SATB2: variants seen among roughly 807,000 people sequenced by gnomAD.
SATB2 encodes the protein DNA-binding protein SATB2.
In SATB2, 1 loss-of-function variant was observed where a neutral mutation model predicts 73.4. The ratio of observed to expected loss-of-function variants is 0.01; its 90% CI spans 0.00 to 0.06. The LOEUF (loss-of-function observed/expected upper bound fraction) is 0.06. Among genes scored for constraint, SATB2 ranks in the 10% least tolerant of loss-of-function variants. The pLI, the probability that SATB2 is intolerant of heterozygous loss-of-function variation, is 1.00. For synonymous variants in SATB2, 397 were observed against 367.0 expected (o/e 1.08, Z -0.93); for missense variants, 459 against 945.8 (o/e 0.49, Z 6.75).
chr2:199,391,608 T>C (rs1286515289), intron 3 of SATB2, among the ~76,000 whole-genome samples: 2 of 152,170 alleles, frequency 1.3e-5, no homozygotes, highest in African/African-American at 2.4e-5. Flanking sequence ...TTACATTTTT[T>C]GGAAATGTCA....
intron 6 of SATB2, among the ~76,000 whole-genome samples, chr2:199,361,394 T>C (rs1689133066): frequency 6.6e-6 from 1 of 151,884 alleles, no homozygotes; most frequent in African/African-American, 2.4e-5. Flanking sequence ...CTTCCTGTCT[T>C]TCTCACTTGT....
upstream of SATB2, among the ~76,000 whole-genome samples, chr2:199,465,503 G>T (rs1333051195): frequency 6.6e-6 from 1 of 152,070 alleles, no homozygotes; most frequent in African/African-American, 2.4e-5. Context: ...TGTAATTTTT[G>T]TTCTGGTTTT....
chr2:199,380,969 T>C (rs1002744087), intron 4 of SATB2, among the ~76,000 whole-genome samples: 6 of 152,188 alleles, frequency 3.9e-5, no homozygotes, highest in African/African-American at 1.2e-4. Context: ...TAGACACAGA[T>C]GGGAATGCTG....
intron 3 of SATB2, among the ~76,000 whole-genome samples, chr2:199,416,071 G>A (rs930887647): frequency 4.6e-5 from 7 of 152,202 alleles, no homozygotes; most frequent in African/African-American, 7.2e-5. Context: ...AGAACTACTG[G>A]ACCCAAGACT....
At chr2:199,377,827 A>C (rs1689648748) in intron 5 of SATB2, among the ~76,000 whole-genome samples, 1 of 152,090 alleles carries the variant, frequency 6.6e-6, no homozygotes, top group Admixed American at 6.6e-5. Flanking sequence ...GCACAAGGGA[A>C]AAAGATTTTA....
chr2:199,304,438 T>TAG (rs1421968635), intron 10 of SATB2, among the ~76,000 whole-genome samples: 1 of 152,192 alleles, frequency 6.6e-6, no homozygotes, highest in Admixed American at 6.5e-5. Context: ...AAACATTATG[T>TAG]AGATTAGTAT....
chr2:199,277,201 G>A (rs965443341), intron 10 of SATB2, among the ~76,000 whole-genome samples: 5 of 152,168 alleles, frequency 3.3e-5, no homozygotes, highest in African/African-American at 1.2e-4. Context: ...GGAAGCGGGT[G>A]GAAGATAGCC....
At chr2:199,303,150 T>A (rs1376570560) in intron 10 of SATB2, among the ~76,000 whole-genome samples, 1 of 152,224 alleles carries the variant, frequency 6.6e-6, no homozygotes, top group Non-Finnish European at 1.5e-5. Flanking sequence ...AAAGTCAGAC[T>A]CTGAAGGTAG....
chr2:199,310,518 T>A (rs962089225), intron 9 of SATB2, among the ~76,000 whole-genome samples: 3 of 152,214 alleles, frequency 2.0e-5, no homozygotes, highest in Non-Finnish European at 4.4e-5. Flanking sequence ...ATTATAGTTT[T>A]AAAAATCTAG....
At chr2:199,392,252 T>C (rs1690165808) in intron 3 of SATB2, among the ~76,000 whole-genome samples, 1 of 146,958 alleles carries the variant, frequency 6.8e-6, no homozygotes, top group South Asian at 2.2e-4. Context: ...CCCAGATTCC[T>C]TTTTTTTTTC....
chr2:199,293,108 T>A (rs1295334962), intron 10 of SATB2, among the ~76,000 whole-genome samples: 1 of 152,210 alleles, frequency 6.6e-6, no homozygotes. Flanking sequence ...CCCTAATTTT[T>A]TTCTGTTCCC....
chr2:199,329,150 T>C, intron 7 of SATB2: 1 of 526,068 alleles, frequency 1.9e-6, no homozygotes, highest in Non-Finnish European at 3.5e-6. Flanking sequence ...TAATCATCAG[T>C]GTACAGACAT....
intron 10 of SATB2, among the ~76,000 whole-genome samples, chr2:199,293,924 ATTTCC>A (rs71913701): frequency 0.052 from 7,965 of 152,152 alleles, 697 homozygotes; most frequent in African/African-American, 0.18. Flanking sequence ...CTCAGCATCT[ATTTCC>A]TTTCAAGAAG....
At position 199,463,115 on chromosome 2, in the gene SATB2, G is replaced by C. The variant is rs547767968; in HGVS notation, c.-141+1721C>G. 1.3e-5 allele frequency among the ~76,000 whole-genome samples: 2 copies of C among 152,068 alleles called. No homozygotes were observed. The highest frequency in any genetic ancestry group is 2.4e-5 in the African/African-American group (1 of 41,412). ...CGCGGGCCGGGGGACCGGGGAAGACGGAGGGTCCTGCGGCCTGGAGCACCA... is the reference window on the plus strand; with the variant it reads ...CGCGGGCCGGGGGACCGGGGAAGACCGAGGGTCCTGCGGCCTGGAGCACCA... On this transcript the variant is annotated intron_variant, in intron 1 of 11. Coordinates refer to the SATB2 transcript ENST00000260926. This position sits in a 1 kb window ranked among gnomAD's most constrained non-coding sequence, Gnocchi z 6.4.
At chr2:199,386,869 C>A (rs1395037204) in intron 3 of SATB2, among the ~76,000 whole-genome samples, 5 of 151,998 alleles carry the variant, frequency 3.3e-5, no homozygotes, top group Non-Finnish European at 7.4e-5. Flanking sequence ...AGTACTGATC[C>A]CCAATATTCA....
intron 10 of SATB2, among the ~76,000 whole-genome samples, chr2:199,281,164 C>T (rs978952349): frequency 4.0e-5 from 6 of 150,726 alleles, no homozygotes; most frequent in East Asian, 1.9e-4. Context: ...AACCCAGGAG[C>T]GGGAGGTTGC....
chr2:199,393,551 A>C (rs962692807), intron 3 of SATB2, among the ~76,000 whole-genome samples: 1 of 152,116 alleles, frequency 6.6e-6, no homozygotes, highest in Non-Finnish European at 1.5e-5. Flanking sequence ...CCAGAGACTT[A>C]CTGATAATCT....
chr2:199,416,333 G>A (rs1249895061), intron 3 of SATB2, among the ~76,000 whole-genome samples: 4 of 152,044 alleles, frequency 2.6e-5, no homozygotes, highest in African/African-American at 9.7e-5. Flanking sequence ...TGACCTTGAG[G>A]TACACCACAC....
At chr2:199,433,265 T>C in intron 3 of SATB2, 73 bp downstream of exon 3, 1 of 1,467,194 alleles carries the variant, frequency 6.8e-7, no homozygotes, top group Non-Finnish European at 9.3e-7. Flanking sequence ...TGGAGAACTA[T>C]TTCAGAAAAC....
Sources: allele counts gnomAD v4.1 joint callset (sites outside exome capture counted in the v4.1 genomes callset), GRCh38; gene constraint gnomAD v4.1.1; non-coding constraint Gnocchi (gnomAD v3.1); transcripts MANE v1.5; gene names NCBI Gene and HGNC (gene_info 2026-07-23, HGNC 2026-07-21).